The following CASP10 variants were observed in gnomAD, a reference collection of about 807,000 sequenced individuals.
CASP10 encodes caspase 10.
In CASP10, 41 loss-of-function variants were observed where a neutral mutation model predicts 48.5. The observed-to-expected ratio is 0.85, with a 90% CI of 0.66 to 1.10. CASP10 has a LOEUF of 1.10. CASP10 is among the 50% of genes least tolerant of loss of function. The probability of loss-of-function intolerance (pLI) is 0.00; values close to 1 mark genes in which losing one functional copy is unlikely to be tolerated. For synonymous variants in CASP10, 232 were observed against 238.4 expected (o/e 0.97, Z 0.25); for missense variants, 614 against 614.5 (o/e 1.00, Z 0.01).
Position 201,187,745 on chromosome 2 carries a change from G to A in CASP10, c.387G>A (p.Glu129=). 6.2e-7 allele frequency: 1 copy of A among 1,614,078 alleles called. No homozygotes were observed. The highest frequency in any genetic ancestry group is 8.5e-7 in the Non-Finnish European group (1 of 1,179,998). ...LYELSEGIDS[E]NLKDMIFLLK... is the part of the protein sequence containing the mutation. ...AACTGTCAGAAGGCATTGACTCAGA[G>A]AACTTAAAGGACATGATCTTCCTTC... The change falls in exon 3 of 10, where the codon GAG becomes GAA. Residue 129 remains glutamate (E), a synonymous_variant. Coordinates refer to ENST00000286186, the MANE Select transcript of CASP10 (RefSeq NM_032977.4).
intron 5 of CASP10, 141 bp downstream of exon 5, chr2:201,196,089 C>T: frequency 1.5e-6 from 1 of 645,610 alleles, no homozygotes; most frequent in Admixed American, 2.7e-5. Context: ...ATGGTGATTG[C>T]AAGTAAACAA....
At chr2:201,193,336 T>G in intron 4 of CASP10, 2 of 417,796 alleles carry the variant, frequency 4.8e-6, no homozygotes, top group Non-Finnish European at 9.1e-6. Flanking sequence ...ACCTCCCGAG[T>G]AGCTGGGATT....
exon 10 of CASP10, chr2:201,229,193 C>A: frequency 7.3e-7 from 1 of 1,362,072 alleles, no homozygotes; most frequent in Non-Finnish European, 1.0e-6. Context: ...TGCGATTCTG[C>A]AGCCACAAAG....
chr2:201,210,561 A>G (rs1945360156), intron 9 of CASP10, among the ~76,000 whole-genome samples: 1 of 152,166 alleles, frequency 6.6e-6, no homozygotes, highest in African/African-American at 2.4e-5. Flanking sequence ...TTCCATTTGA[A>G]GGAATGGCCA....
intron 7 of CASP10, among the ~76,000 whole-genome samples, chr2:201,206,827 GA>G (rs1325492553): frequency 6.6e-6 from 1 of 151,846 alleles, no homozygotes; most frequent in African/African-American, 2.4e-5. Flanking sequence ...TGAACCATCT[GA>G]AAAAAATCTT....
Position 201,187,748 on chromosome 2 carries a change from CTTA to C in CASP10, c.391_393del (p.Leu131del). On this transcript the variant is annotated inframe_deletion, in exon 3 of 10. Transcript: ENST00000286186. The stretch of plus-strand genomic sequence containing the variant: ...TGTCAGAAGGCATTGACTCAGAGAA[CTTA>C]AAGGACATGATCTTCCTTCTGAAAG... 1 of 1,614,034 alleles carries C rather than the reference CTTA, an allele frequency of 6.2e-7. No homozygotes were observed. Among genetic ancestry groups the C allele is most frequent in the Non-Finnish European group, 8.5e-7 (1 of 1,179,984 alleles).
At position 201,220,167 on chromosome 2, in the gene CASP10, AG is replaced by A; in HGVS notation, c.*2429del. 5.1e-6 allele frequency: 5 copies of A among 984,692 alleles called. No homozygotes were observed. The highest frequency in any genetic ancestry group is 6.0e-6 in the Non-Finnish European group (5 of 829,208). 61.0% of individuals were successfully genotyped at this position (984,692 alleles called of 1,614,324 possible). A position where few individuals can be genotyped will look rare whatever the true frequency, so the allele number is the denominator to read the frequency against. On this transcript the variant is annotated 3_prime_UTR_variant, in exon 10 of 10. Transcript: ENST00000286186. The stretch of plus-strand genomic sequence containing the variant: ...GAGGGAATGTCTAATCTATATTGAC[AG>A]GGCAGGAACACCGTCATCTTAGACA...
chr2:201,218,827 T>C lies in CASP10; in HGVS notation c.*1086T>C. 2 of 985,448 alleles carry C rather than the reference T, an allele frequency of 2.0e-6. No individual in the cohort carries two copies. Among genetic ancestry groups the C allele is most frequent in the Non-Finnish European group, 2.4e-6 (2 of 829,938 alleles). The allele number at this position is 985,448 out of a possible 1,614,324, so 61.0% of individuals were successfully genotyped here. On this transcript the variant is annotated 3_prime_UTR_variant, in exon 10 of 10. Coordinates refer to ENST00000286186, the MANE Select transcript of CASP10 (RefSeq NM_032977.4). ...CACATCTAGTGAGGTGAAAATTTGG[T>C]CTATGCCAGGCCCATTTCCTGCTTT...
chr2:201,219,132 T>G lies in CASP10; in HGVS notation c.*1391T>G. 3.3e-6 allele frequency: 1 copy of G among 302,756 alleles called. No homozygotes were observed. Among genetic ancestry groups the G allele is most frequent in the Non-Finnish European group, 4.9e-6 (1 of 205,874 alleles). 18.8% of individuals were successfully genotyped at this position (302,756 alleles called of 1,614,324 possible). A position where few individuals can be genotyped will look rare whatever the true frequency, so the allele number is the denominator to read the frequency against. Reference sequence around the variant, plus strand: ...TAAAAACACAAAAATTAGCCAGGTGTGGCGGCGAGCACCTGTAATCCCAGC... The same window carrying G: ...TAAAAACACAAAAATTAGCCAGGTGGGGCGGCGAGCACCTGTAATCCCAGC... On this transcript the variant is annotated 3_prime_UTR_variant, in exon 10 of 10. Coordinates refer to ENST00000286186, the MANE Select transcript of CASP10 (RefSeq NM_032977.4).
At chr2:201,200,981 T>C (rs1944998268) in intron 5 of CASP10, among the ~76,000 whole-genome samples, 1 of 152,156 alleles carries the variant, frequency 6.6e-6, no homozygotes, top group African/African-American at 2.4e-5. Flanking sequence ...TCCCTGGCCA[T>C]GGGCACAGCT....
At chr2:201,201,353 G>A (rs962736486) in intron 5 of CASP10, among the ~76,000 whole-genome samples, 5 of 152,124 alleles carry the variant, frequency 3.3e-5, no homozygotes, top group African/African-American at 1.2e-4. Flanking sequence ...TTTAAAATGT[G>A]GTTTTCCAGC....
chr2:201,216,667 T>C (rs760896830), intron 9 of CASP10, among the ~76,000 whole-genome samples: 2 of 152,148 alleles, frequency 1.3e-5, no homozygotes, highest in Non-Finnish European at 2.9e-5. Flanking sequence ...TTCTAAGTGC[T>C]TGACCCAATA....
intron 9 of CASP10, chr2:201,228,811 C>A: frequency 1.3e-6 from 1 of 779,952 alleles, no homozygotes. Context: ...AGTCATTCTG[C>A]CAGGAATTGA....
chr2:201,200,525 G>A (rs751098741), intron 5 of CASP10: 1 of 1,598,042 alleles, frequency 6.3e-7, no homozygotes, highest in South Asian at 1.1e-5. Context: ...GGCAAAGGCT[G>A]GGCAAACGCC....
At position 201,219,716 on chromosome 2, in the gene CASP10, T is replaced by TC; in HGVS notation, c.*1975_*1976insC. 1.0e-6 allele frequency: 1 copy of TC among 984,958 alleles called. No individual in the cohort carries two copies. Among genetic ancestry groups the TC allele is most frequent in the East Asian group, 1.1e-4 (1 of 8,818 alleles). The allele number at this position is 984,958 out of a possible 1,614,324, so 61.0% of individuals were successfully genotyped here. ...TTTACGTACTTGAGCTTTTTTTTTTTTTTTTTTCAATTTCTAGAGGAACTT... is the reference window on the plus strand; with the variant it reads ...TTTACGTACTTGAGCTTTTTTTTTTTCTTTTTTTCAATTTCTAGAGGAACTT... On this transcript the variant is annotated 3_prime_UTR_variant, in exon 10 of 10. Transcript: ENST00000286186.
At chr2:201,193,813 C>T (rs1474667484) in intron 4 of CASP10, among the ~76,000 whole-genome samples, 1 of 152,168 alleles carries the variant, frequency 6.6e-6, no homozygotes, top group Admixed American at 6.5e-5. Context: ...AGAGTGGACT[C>T]TATAGAGTCG....
chr2:201,197,016 C>T (rs1160610588), intron 5 of CASP10, among the ~76,000 whole-genome samples: 2 of 152,108 alleles, frequency 1.3e-5, no homozygotes, highest in African/African-American at 2.4e-5. Context: ...TCAGAATTTC[C>T]TTCCTTTTTA....
chr2:201,184,728 A>T (rs989078017), intron 1 of CASP10, among the ~76,000 whole-genome samples: 3 of 152,208 alleles, frequency 2.0e-5, no homozygotes, highest in African/African-American at 7.2e-5. Context: ...TTACAATGAA[A>T]ATTTTATCAC....
chr2:201,193,143 T>C, intron 4 of CASP10, 24 bp downstream of exon 4: 1 of 1,610,758 alleles, frequency 6.2e-7, no homozygotes, highest in Middle Eastern at 1.7e-4. Flanking sequence ...GATTGCTAAC[T>C]TGGACCAGAC....
Sources: gnomAD v4.1 joint callset for allele counts (sites outside exome capture counted in the v4.1 genomes callset) on GRCh38, gnomAD v4.1.1 for gene constraint, MANE v1.5 for transcripts, NCBI Gene and HGNC (gene_info 2026-07-23, HGNC 2026-07-21) for gene names.